Variants in CNTNAP2 observed in about 807,000 individuals in gnomAD.
CNTNAP2 encodes the protein contactin-associated protein-like 2.
A neutral mutation model predicts 155.2 loss-of-function variants in CNTNAP2; 98 were observed. The ratio of observed to expected loss-of-function variants is 0.63; its 90% CI spans 0.54 to 0.75. CNTNAP2 has a LOEUF of 0.75. Among genes scored for constraint, CNTNAP2 ranks in the 30% least tolerant of loss-of-function variants. CNTNAP2 has a pLI of 0.00. For synonymous variants in CNTNAP2, 651 were observed against 631.2 expected (o/e 1.03, Z -0.47); for missense variants, 1,727 against 1,688.1 (o/e 1.02, Z -0.40).
At chr7:146,478,100 T>C (rs941869079) in intron 1 of CNTNAP2, among the ~76,000 whole-genome samples, 5 of 152,166 alleles carry the variant, frequency 3.3e-5, no homozygotes, top group African/African-American at 1.2e-4. Flanking sequence ...GGCAGTTTTA[T>C]GGCAGAGTGT....
intron 5 of CNTNAP2, among the ~76,000 whole-genome samples, chr7:147,110,364 C>CT (rs35428371): frequency 0.21 from 30,197 of 146,428 alleles, 3,836 homozygotes; most frequent in Non-Finnish European, 0.29. Flanking sequence ...GTACCTTTTT[C>CT]TTTTTTTTTT....
intron 1 of CNTNAP2, among the ~76,000 whole-genome samples, chr7:146,721,691 A>G (rs1398879670): frequency 8.4e-6 from 1 of 118,352 alleles, no homozygotes; most frequent in Non-Finnish European, 1.6e-5. Context: ...TACATTCTAT[A>G]TATATATTCT....
chr7:147,970,259 A>C (rs6954395), intron 14 of CNTNAP2, among the ~76,000 whole-genome samples: 150,833 of 152,290 alleles, frequency 0.99, 74,718 homozygotes, highest in Middle Eastern at 1. Flanking sequence ...CCCAAAGATT[A>C]TTTAATAGAA....
intron 10 of CNTNAP2, among the ~76,000 whole-genome samples, chr7:147,401,680 G>A (rs904331842): frequency 5.4e-4 from 82 of 152,250 alleles, no homozygotes; most frequent in African/African-American, 1.9e-3. Flanking sequence ...GGATCATGGG[G>A]GTGGATTTCC....
At chr7:146,331,006 C>T (rs536572775) in intron 1 of CNTNAP2, among the ~76,000 whole-genome samples, 2 of 152,170 alleles carry the variant, frequency 1.3e-5, no homozygotes, top group African/African-American at 4.8e-5. Flanking sequence ...AGGTGTTGTT[C>T]AATAACCAAC....
chr7:146,830,615 T>C (rs1182585254), intron 2 of CNTNAP2, among the ~76,000 whole-genome samples: 1 of 152,224 alleles, frequency 6.6e-6, no homozygotes, highest in Non-Finnish European at 1.5e-5. Context: ...AAGCATTAGA[T>C]ACCTTTAATC....
At chr7:148,164,573 A>C (rs941132222) in intron 17 of CNTNAP2, among the ~76,000 whole-genome samples, 1 of 149,130 alleles carries the variant, frequency 6.7e-6, no homozygotes, top group Non-Finnish European at 1.5e-5. Flanking sequence ...TAAGATAGCA[A>C]CGACACCCAT....
intron 1 of CNTNAP2, among the ~76,000 whole-genome samples, chr7:146,645,770 AGT>A (rs35384532): frequency 6.6e-5 from 10 of 150,606 alleles, no homozygotes; most frequent in Middle Eastern, 3.4e-3. Flanking sequence ...TAAGCTACCC[AGT>A]GTGTGTGTGT....
chr7:146,364,135 C>A (rs7790154), intron 1 of CNTNAP2, among the ~76,000 whole-genome samples: 35,455 of 152,052 alleles, frequency 0.23, 4,821 homozygotes, highest in Admixed American at 0.39. Context: ...GTAATTCTTT[C>A]AAAATTTTAA....
At chr7:146,950,447 C>A (rs1291292150) in intron 3 of CNTNAP2, among the ~76,000 whole-genome samples, 3 of 151,992 alleles carry the variant, frequency 2.0e-5, no homozygotes, top group Non-Finnish European at 4.4e-5. Flanking sequence ...CCTCCCCTTG[C>A]CCCCCACCAC....
At chr7:146,694,506 G>T (rs1193299505) in intron 1 of CNTNAP2, among the ~76,000 whole-genome samples, 2 of 152,100 alleles carry the variant, frequency 1.3e-5, no homozygotes, top group Non-Finnish European at 1.5e-5. Flanking sequence ...GATCACTATG[G>T]CCTAATATAA....
In CNTNAP2 at chr7:146,275,797, C is replaced by T. The variant is rs141256855; in HGVS notation, c.97+158824C>T. Among the ~76,000 whole-genome samples, 7 of 152,284 alleles carry T rather than the reference C, an allele frequency of 4.6e-5. 1 individual carries two copies. The highest frequency in any genetic ancestry group is 2.1e-4 in the South Asian group (1 of 4,824). On this transcript the variant is annotated intron_variant, in intron 1 of 23. Coordinates refer to ENST00000361727, the MANE Select transcript of CNTNAP2 (RefSeq NM_014141.6). Reference sequence around the variant, plus strand: ...TTCTCGTTTATAGAACTGGAGGTTTCGCATTTCCCATTCCTACCTAATTCA... The same window carrying T: ...TTCTCGTTTATAGAACTGGAGGTTTTGCATTTCCCATTCCTACCTAATTCA...
chr7:147,874,501 C>A (rs1409068767), intron 13 of CNTNAP2, among the ~76,000 whole-genome samples: 1 of 152,260 alleles, frequency 6.6e-6, no homozygotes, highest in East Asian at 1.9e-4. Flanking sequence ...GCTGGAGCAG[C>A]TTGGACACAG....
At chr7:146,952,036 T>C (rs1563018052) in intron 3 of CNTNAP2, among the ~76,000 whole-genome samples, 1 of 152,028 alleles carries the variant, frequency 6.6e-6, no homozygotes, top group African/African-American at 2.4e-5. Flanking sequence ...CTCAATAAAA[T>C]ACTGGCAAAC....
rs575322636 is a variant in CNTNAP2 at position 147,776,353 on chromosome 7, A to T, written c.2099-127212A>T. The stretch of plus-strand genomic sequence containing the variant: ...GACTAAAATGAATGTAAAAGGAAAA[A>T]GAAAAAAAATGAATGAAGAGGAAAA... On this transcript the variant is annotated intron_variant, in intron 13 of 23. Coordinates refer to ENST00000361727, the MANE Select transcript of CNTNAP2 (RefSeq NM_014141.6). 2.0e-5 allele frequency among the ~76,000 whole-genome samples: 3 copies of T among 152,158 alleles called. No homozygotes were observed. In the East Asian group the frequency reaches 5.8e-4, roughly 29 times the overall value.
chr7:147,107,453 A>G (rs1800789189), intron 4 of CNTNAP2, among the ~76,000 whole-genome samples: 1 of 152,170 alleles, frequency 6.6e-6, no homozygotes, highest in Admixed American at 6.6e-5. Flanking sequence ...TTAAACTCAT[A>G]TATGGATAAG....
chr7:146,599,367 C>T (rs1483283302), intron 1 of CNTNAP2, among the ~76,000 whole-genome samples: 21 of 152,056 alleles, frequency 1.4e-4, no homozygotes, highest in Non-Finnish European at 2.5e-4. Flanking sequence ...ATAAAAGCCA[C>T]AGGTTATACA....
At chr7:147,390,259 T>G (rs1200484194) in intron 9 of CNTNAP2, among the ~76,000 whole-genome samples, 4 of 152,216 alleles carry the variant, frequency 2.6e-5, no homozygotes, top group Non-Finnish European at 5.9e-5. Flanking sequence ...CTTCAGGTTC[T>G]AATTATTAAA....
rs1424703020 is a variant in CNTNAP2 at position 147,458,670 on chromosome 7, G to T, written c.1671-27265G>T. On this transcript the variant is annotated intron_variant, in intron 10 of 23. Coordinates refer to ENST00000361727, the MANE Select transcript of CNTNAP2 (RefSeq NM_014141.6). ...GATAGTCTCCCTCCTGCTGTGCCCAGTGTCAAGAGAATGAGCTTATAATAT... is the reference window on the plus strand; with the variant it reads ...GATAGTCTCCCTCCTGCTGTGCCCATTGTCAAGAGAATGAGCTTATAATAT... Among the ~76,000 whole-genome samples the T allele has an allele frequency of 2.6e-5, 4 of 152,160 alleles. 1 individual carries two copies. In the South Asian group the frequency reaches 6.2e-4, roughly 24 times the overall value.
Sources: gnomAD v4.1 joint callset for allele counts (sites outside exome capture counted in the v4.1 genomes callset) on GRCh38, gnomAD v4.1.1 for gene constraint, MANE v1.5 for transcripts, NCBI Gene and HGNC (gene_info 2026-07-23, HGNC 2026-07-21) for gene names.